Variants in MED4 observed in about 807,000 individuals in gnomAD.
MED4 encodes the protein mediator of RNA polymerase II transcription subunit 4.
A neutral mutation model predicts 35.0 loss-of-function variants in MED4; 21 were observed. The ratio of observed to expected loss-of-function variants is 0.60; its 90% confidence interval spans 0.43 to 0.86. The LOEUF (loss-of-function observed/expected upper bound fraction) is 0.86. MED4 is among the 40% of genes least tolerant of loss of function. The pLI is 0.00. For missense variants in MED4, 300 were observed against 319.4 expected (o/e 0.94, Z 0.46); for synonymous variants, 138 against 114.0 (o/e 1.21, Z -1.34).
At chr13:48,093,290 T>A (rs1232639949) in intron 1 of MED4, among the ~76,000 whole-genome samples, 1 of 152,196 alleles carries the variant, frequency 6.6e-6, no homozygotes, top group African/African-American at 2.4e-5. Context: ...GCCTACAACC[T>A]GTGTTTCAAC....
At chr13:48,092,936 G>T (rs1385623594) in intron 1 of MED4, among the ~76,000 whole-genome samples, 1 of 152,126 alleles carries the variant, frequency 6.6e-6, no homozygotes, top group Non-Finnish European at 1.5e-5. Context: ...GAGTAGAGGG[G>T]AGGTAGAAGT....
chr13:48,077,350 C>T lies in MED4; in HGVS notation c.641-39G>A, dbSNP rs368401180. The T allele has an allele frequency of 4.4e-6, 6 of 1,378,662 alleles. No individual in the cohort carries two copies. The African/African-American group carries it at 9.1e-5, about 21-fold the overall frequency. The allele number at this position is 1,378,662 out of a possible 1,614,324, so 85.4% of individuals were successfully genotyped here. ...GAAGCATAGATAAGAACAGCTCTATCTGTAATTAATCTAGTTCTTACTTTT... is the reference window on the plus strand; with the variant it reads ...GAAGCATAGATAAGAACAGCTCTATTTGTAATTAATCTAGTTCTTACTTTT... On this transcript the variant is annotated intron_variant, in intron 6 of 6. Transcript: ENST00000258648.
At chr13:48,079,079 T>C (rs1436876849) in intron 6 of MED4, among the ~76,000 whole-genome samples, 2 of 152,054 alleles carry the variant, frequency 1.3e-5, no homozygotes, top group African/African-American at 2.4e-5. Context: ...TATATAAAAA[T>C]AGCACAAACC....
intron 6 of MED4, among the ~76,000 whole-genome samples, chr13:48,078,221 G>A (rs888633118): frequency 2.0e-5 from 3 of 152,152 alleles, no homozygotes; most frequent in Non-Finnish European, 4.4e-5. Context: ...AAAGAGTTAT[G>A]GTATTAACTA....
chr13:48,085,754 G>C (rs1821579829), intron 3 of MED4, among the ~76,000 whole-genome samples: 1 of 152,130 alleles, frequency 6.6e-6, no homozygotes, highest in Admixed American at 6.5e-5. Flanking sequence ...TTGCCTCTTT[G>C]AAATAGTAGC....
intron 5 of MED4, 58 bp downstream of exon 5, chr13:48,081,587 G>T: frequency 8.6e-7 from 1 of 1,165,374 alleles, no homozygotes; most frequent in Non-Finnish European, 1.2e-6. Context: ...TCTGTACATA[G>T]TCACCTAAGA....
Position 48,077,161 on chromosome 13 carries a change from C to G in MED4, c.791G>C (p.Ser264Thr), listed in dbSNP as rs1301817644. 1 of 1,609,802 alleles carries G rather than the reference C, an allele frequency of 6.2e-7. No individual in the cohort carries two copies. Among genetic ancestry groups the G allele is most frequent in the East Asian group, 2.3e-5 (1 of 44,334 alleles). The change falls in exon 7 of 7, where the codon AGC (serine) becomes ACC (threonine). Residue 264 changes from serine (S) to threonine (T), a missense_variant. By Grantham distance (58) the Ser-to-Thr change is moderately conservative. Coordinates refer to ENST00000258648, the MANE Select transcript of MED4 (RefSeq NM_014166.4). ...DVEIMSTDSS[S>T]SSSESD is the part of the protein sequence containing the mutation. ...TTTTCAATCAGACTCACTACTACTG[C>G]TTGAGGAGTCCGTTGACATAATCTC...
intron 2 of MED4, among the ~76,000 whole-genome samples, chr13:48,089,665 G>A (rs554070857): frequency 8.4e-4 from 128 of 152,232 alleles, no homozygotes; most frequent in Middle Eastern, 3.4e-3. Flanking sequence ...GTGGGAGATC[G>A]CTTCAGTCCA....
chr13:48,081,659 A>G lies in MED4; in HGVS notation c.494T>C (p.Leu165Pro). Residue 165 changes from leucine (L) to proline (P), a missense_variant, in exon 5 of 7, where the codon CTG becomes CCG. Physicochemically the swap from Leu to Pro is moderately conservative, Grantham distance 98. Coordinates refer to ENST00000258648, the MANE Select transcript of MED4 (RefSeq NM_014166.4). ...AGTATGTTTACCTGGAACCCAGGTC[A>G]GTGGAGCACATACAGCATTACTTGC... ...ISASNAVCAP[L>P]TWVPGDPRRP... is the part of the protein sequence containing the mutation. 2 of 1,610,570 alleles carry G rather than the reference A, an allele frequency of 1.2e-6. No homozygotes were observed. Among genetic ancestry groups the G allele is most frequent in the South Asian group, 2.2e-5 (2 of 90,302 alleles).
At position 48,091,095 on chromosome 13, in the gene MED4, T is replaced by C. The variant is rs561596980; in HGVS notation, c.126-677A>G. Among the ~76,000 whole-genome samples, 8 of 152,350 alleles carry C rather than the reference T, an allele frequency of 5.3e-5. No homozygotes were observed. In the East Asian group the frequency reaches 9.6e-4, roughly 18 times the overall value. ...ATAACATGATTAGTGAATGAACATA[T>C]GTTTATATATTTTAAGGTAAAATAA... On this transcript the variant is annotated intron_variant, in intron 1 of 6. Coordinates refer to ENST00000258648, the MANE Select transcript of MED4 (RefSeq NM_014166.4).
At chr13:48,081,796 T>A in intron 4 of MED4, 65 bp from the exon 5 acceptor site, 12 of 973,742 alleles carry the variant, frequency 1.2e-5, no homozygotes, top group Non-Finnish European at 1.7e-5. Context: ...TAGAAATGTA[T>A]CTATCAGTTA....
chr13:48,094,827 G>A (rs142748748), intron 1 of MED4, 127 bp downstream of exon 1: 14,074 of 1,369,558 alleles, frequency 0.01, 82 homozygotes, highest in Non-Finnish European at 0.012. Flanking sequence ...TGACCCTCAT[G>A]CACCCGAAAC....
At position 48,090,291 on chromosome 13, in the gene MED4, GTTTT is replaced by G. The variant is rs893438647; in HGVS notation, c.192+57_192+60del. The stretch of plus-strand genomic sequence containing the variant: ...TAAAGAGGAAACTTGCAGAAATCAA[GTTTT>G]TTTCTTTTAATTAAAAAACAAAGAG... On this transcript the variant is annotated intron_variant, in intron 2 of 6. Transcript: ENST00000258648. The G allele has an allele frequency of 2.3e-6, 3 of 1,330,150 alleles. No individual in the cohort carries two copies. The African/African-American group carries it at 4.5e-5, about 20-fold the overall frequency. The allele number at this position is 1,330,150 out of a possible 1,614,324, so 82.4% of individuals were successfully genotyped here.
intron 2 of MED4, among the ~76,000 whole-genome samples, chr13:48,088,401 C>T (rs1950868276): frequency 6.6e-6 from 1 of 152,122 alleles, no homozygotes; most frequent in Non-Finnish European, 1.5e-5. Flanking sequence ...TACAAACTGC[C>T]AAATATTAAG....
At chr13:48,079,787 C>T in intron 6 of MED4, 57 bp downstream of exon 6, 1 of 1,573,636 alleles carries the variant, frequency 6.4e-7, no homozygotes, top group Non-Finnish European at 8.6e-7. Context: ...ATATTCCAAC[C>T]TTGTCATCTC....
At chr13:48,090,293 T>C in intron 2 of MED4, 59 bp downstream of exon 2, 1 of 1,354,466 alleles carries the variant, frequency 7.4e-7, no homozygotes, top group Non-Finnish European at 1.0e-6. Context: ...GAAATCAAGT[T>C]TTTTTCTTTT....
chr13:48,084,572 C>T (rs1300729899), intron 3 of MED4, among the ~76,000 whole-genome samples: 1 of 152,046 alleles, frequency 6.6e-6, no homozygotes, highest in Non-Finnish European at 1.5e-5. Context: ...GAAAATCAAA[C>T]AAAGTGGATA....
At chr13:48,078,976 T>A (rs893138167) in intron 6 of MED4, among the ~76,000 whole-genome samples, 8 of 152,182 alleles carry the variant, frequency 5.3e-5, no homozygotes, top group African/African-American at 1.7e-4. Flanking sequence ...TTTCCTTTTT[T>A]AAATGCCTTT....
Position 48,095,090 on chromosome 13 carries a change from T to G in MED4, c.-12A>C. On this transcript the variant is annotated 5_prime_UTR_variant, in exon 1 of 7. Transcript: ENST00000258648. Reference sequence around the variant, plus strand: ...GAAGACGCAGCCATTTTCCCCAGAGTCCCGCCACCGGCGCACGCGCAGAGC... The same window carrying G: ...GAAGACGCAGCCATTTTCCCCAGAGGCCCGCCACCGGCGCACGCGCAGAGC... 3 of 1,601,328 alleles carry G rather than the reference T, an allele frequency of 1.9e-6. No homozygotes were observed. The highest frequency in any genetic ancestry group is 1.7e-6 in the Non-Finnish European group (2 of 1,179,648).
Sources: allele counts gnomAD v4.1 joint callset (sites outside exome capture counted in the v4.1 genomes callset), GRCh38; gene constraint gnomAD v4.1.1; transcripts MANE v1.5; gene names NCBI Gene and HGNC (gene_info 2026-07-23, HGNC 2026-07-21).